CERS6: variants seen among roughly 807,000 people sequenced by gnomAD.
CERS6 encodes LAG1 homolog, ceramide synthase 6.
Under a neutral mutation model 56.8 loss-of-function variants are expected in CERS6, and 26 were observed. That is an observed-to-expected ratio of 0.46 (90% CI 0.34 to 0.63). CERS6 has a LOEUF of 0.63. CERS6 is among the 30% of genes least tolerant of loss of function. The pLI is 0.01. For missense variants in CERS6, 415 were observed against 467.5 expected (o/e 0.89, Z 1.04); for synonymous variants, 164 against 173.3 (o/e 0.95, Z 0.42).
At position 168,665,342 on chromosome 2, in the gene CERS6, A is replaced by G. The variant is rs1041354690; in HGVS notation, c.466-25692A>G. Among the ~76,000 whole-genome samples, 97 of 152,166 alleles carry G rather than the reference A, an allele frequency of 6.4e-4. 2 individuals carry two copies. Among genetic ancestry groups the G allele is most frequent in the African/African-American group, 2.3e-3 (95 of 41,420 alleles). On this transcript the variant is annotated intron_variant, in intron 4 of 9. Coordinates refer to ENST00000305747, the MANE Select transcript of CERS6 (RefSeq NM_203463.3). Reference sequence around the variant, plus strand: ...ATTGAAATACGGTGGGTATAACATAAGTTATTTAAACATTTACTACCAATT... The same window carrying G: ...ATTGAAATACGGTGGGTATAACATAGGTTATTTAAACATTTACTACCAATT...
At chr2:168,740,190 T>TA (rs1683852853) in intron 8 of CERS6, among the ~76,000 whole-genome samples, 1 of 152,166 alleles carries the variant, frequency 6.6e-6, no homozygotes, top group African/African-American at 2.4e-5. Flanking sequence ...ACATGTTATT[T>TA]AACAGCACTT....
rs566126136 is a variant in CERS6, at chr2:168,476,924, A to G, written c.170+20306A>G. Among the ~76,000 whole-genome samples, 228 of 152,264 alleles carry G rather than the reference A, an allele frequency of 1.5e-3. 2 individuals carry two copies. Among genetic ancestry groups the G allele is most frequent in the Middle Eastern group, 6.8e-3 (2 of 294 alleles). ...CAAAATAATGCTTTACCAGTTCTCT[A>G]GGTATGCCTTAATCCAGTGAAGTTG... On this transcript the variant is annotated intron_variant, in intron 1 of 9. Coordinates refer to ENST00000305747, the MANE Select transcript of CERS6 (RefSeq NM_203463.3).
At chr2:168,664,524 A>G (rs1001450900) in intron 4 of CERS6, among the ~76,000 whole-genome samples, 1 of 152,232 alleles carries the variant, frequency 6.6e-6, no homozygotes, top group African/African-American at 2.4e-5. Flanking sequence ...TACTCCATAG[A>G]CAGAGCAGCC....
chr2:168,618,531 GCTT>G (rs1348616327), intron 3 of CERS6, among the ~76,000 whole-genome samples: 3 of 152,148 alleles, frequency 2.0e-5, no homozygotes, highest in African/African-American at 7.2e-5. Flanking sequence ...ATTCAGCAAA[GCTT>G]CTGGATACAA....
At chr2:168,510,819 C>CATT (rs1185103496) in intron 1 of CERS6, among the ~76,000 whole-genome samples, 1 of 151,846 alleles carries the variant, frequency 6.6e-6, no homozygotes, top group East Asian at 1.9e-4. Flanking sequence ...GTTTTACGTG[C>CATT]ATTAACTAAC....
intron 4 of CERS6, among the ~76,000 whole-genome samples, chr2:168,631,837 T>A (rs1321436860): frequency 7.7e-6 from 1 of 129,050 alleles, no homozygotes; most frequent in African/African-American, 2.8e-5. Flanking sequence ...ATAATATATA[T>A]TATATAATAT....
intron 2 of CERS6, among the ~76,000 whole-genome samples, chr2:168,556,804 A>G (rs187451502): frequency 3.3e-5 from 5 of 152,236 alleles, no homozygotes; most frequent in Admixed American, 3.3e-4. Context: ...ATTTTAGTAC[A>G]AAGTTAATAA....
At chr2:168,673,837 G>C (rs1182630474) in intron 4 of CERS6, among the ~76,000 whole-genome samples, 2 of 152,296 alleles carry the variant, frequency 1.3e-5, no homozygotes, top group East Asian at 3.9e-4. Flanking sequence ...CTTTGCACGT[G>C]TTTGAATTTT....
At chr2:168,662,116 C>T (rs1685645007) in intron 4 of CERS6, among the ~76,000 whole-genome samples, 2 of 140,128 alleles carry the variant, frequency 1.4e-5, no homozygotes, top group South Asian at 4.7e-4. Flanking sequence ...GTATACCATT[C>T]AAGGCTGTCT....
chr2:168,517,252 G>A (rs191076577), intron 1 of CERS6, among the ~76,000 whole-genome samples: 50 of 151,948 alleles, frequency 3.3e-4, no homozygotes, highest in African/African-American at 1.1e-3. Flanking sequence ...AAAACTTTGG[G>A]AGGCAGAGTT....
chr2:168,752,912 C>T (rs972863693), intron 8 of CERS6, among the ~76,000 whole-genome samples: 2 of 152,052 alleles, frequency 1.3e-5, no homozygotes, highest in African/African-American at 4.8e-5. Flanking sequence ...TGGTTTTGCT[C>T]GTTGTTAGGT....
At chr2:168,650,667 G>C (rs984391448) in intron 4 of CERS6, among the ~76,000 whole-genome samples, 1 of 74,982 alleles carries the variant, frequency 1.3e-5, no homozygotes, top group Admixed American at 1.3e-4. Context: ...TCTGACTTCC[G>C]GTGAATTTTT....
At chr2:168,471,668 G>A (rs1693980811) in intron 1 of CERS6, among the ~76,000 whole-genome samples, 1 of 152,112 alleles carries the variant, frequency 6.6e-6, no homozygotes, top group Non-Finnish European at 1.5e-5. Context: ...TCCGTCAATC[G>A]CCATTCCACT....
chr2:168,497,496 A>C (rs563165305), intron 1 of CERS6, among the ~76,000 whole-genome samples: 3 of 152,354 alleles, frequency 2.0e-5, no homozygotes, highest in Admixed American at 1.3e-4. Context: ...GCTTGCATGT[A>C]GGTGGTCAGG....
At chr2:168,627,891 TC>T (rs1310799616) in intron 3 of CERS6, among the ~76,000 whole-genome samples, 1 of 152,150 alleles carries the variant, frequency 6.6e-6, no homozygotes, top group African/African-American at 2.4e-5. Context: ...GTGTTTACCC[TC>T]TATGTAAATG....
At chr2:168,594,947 A>C (rs1238569823) in intron 3 of CERS6, among the ~76,000 whole-genome samples, 1 of 152,198 alleles carries the variant, frequency 6.6e-6, no homozygotes, top group Non-Finnish European at 1.5e-5. Flanking sequence ...GATTGATTCA[A>C]AGTGAATCTG....
At chr2:168,719,938 G>A (rs1021407385) in intron 8 of CERS6, among the ~76,000 whole-genome samples, 1 of 151,376 alleles carries the variant, frequency 6.6e-6, no homozygotes, top group Non-Finnish European at 1.5e-5. Context: ...ATTCAAAATA[G>A]TATTTTTTTT....
At chr2:168,571,432 G>A (rs1408969991) in intron 3 of CERS6, among the ~76,000 whole-genome samples, 1 of 152,094 alleles carries the variant, frequency 6.6e-6, no homozygotes, top group African/African-American at 2.4e-5. Context: ...GGAATGTAAG[G>A]GTGAAGGAGT....
chr2:168,666,143 G>C (rs1685755533), intron 4 of CERS6, among the ~76,000 whole-genome samples: 1 of 152,016 alleles, frequency 6.6e-6, no homozygotes, highest in Non-Finnish European at 1.5e-5. Context: ...TACAGTTGAT[G>C]AGCCAATATT....
Sources: allele counts gnomAD v4.1 joint callset (sites outside exome capture counted in the v4.1 genomes callset), GRCh38; gene constraint gnomAD v4.1.1; transcripts MANE v1.5; gene names NCBI Gene and HGNC (gene_info 2026-07-23, HGNC 2026-07-21).